The following KCNIP1 variants were observed in gnomAD, a reference collection of about 807,000 sequenced individuals.
The protein encoded by KCNIP1 is A-type potassium channel modulatory protein KCNIP1.
KCNIP1 carries 18 observed loss-of-function variants against 33.0 expected under a neutral mutation model. That is an observed-to-expected ratio of 0.55 (90% confidence interval 0.38 to 0.81). KCNIP1 has a LOEUF of 0.81. Ranked by LOEUF, KCNIP1 falls within the 30% of genes least tolerant of loss-of-function variation. The pLI, the probability that KCNIP1 is intolerant of heterozygous loss-of-function variation, is 0.00. For missense variants in KCNIP1, 238 were observed against 271.6 expected, an observed-to-expected ratio of 0.88 and a Z score of 0.87; for synonymous variants, 93 against 98.3, an observed-to-expected ratio of 0.95 and a Z score of 0.32.
chr5:170,450,106 C>T (rs1168404294), intron 1 of KCNIP1, among the ~76,000 whole-genome samples: 2 of 151,138 alleles, frequency 1.3e-5, no homozygotes, highest in East Asian at 2.0e-4. Flanking sequence ...GGGAAAGGAT[C>T]GCCCGACCCC....
At chr5:170,668,342 A>T (rs1311559989) in intron 1 of KCNIP1, among the ~76,000 whole-genome samples, 1 of 152,198 alleles carries the variant, frequency 6.6e-6, no homozygotes, top group East Asian at 1.9e-4. Flanking sequence ...AATGTTCTCC[A>T]CTGGTCCCTG....
At chr5:170,541,526 A>G (rs1458719090) in intron 1 of KCNIP1, among the ~76,000 whole-genome samples, 1 of 152,158 alleles carries the variant, frequency 6.6e-6, no homozygotes, top group Non-Finnish European at 1.5e-5. Flanking sequence ...TGGGCTATTC[A>G]ACACTTGTCA....
intron 1 of KCNIP1, 99 bp from the exon 2 acceptor site, chr5:170,718,659 T>A: frequency 1.4e-6 from 2 of 1,427,836 alleles, no homozygotes; most frequent in Admixed American, 3.8e-5. Context: ...CAGTCCTAGA[T>A]CCCAGGTCGT....
intron 1 of KCNIP1, among the ~76,000 whole-genome samples, chr5:170,575,369 A>G (rs1393671845): frequency 6.6e-6 from 1 of 152,212 alleles, no homozygotes; most frequent in Non-Finnish European, 1.5e-5. Context: ...TTTAAGCAGG[A>G]AAAATGGGTT....
intron 1 of KCNIP1, among the ~76,000 whole-genome samples, chr5:170,511,085 T>C (rs994053122): frequency 6.6e-6 from 1 of 152,220 alleles, no homozygotes; most frequent in African/African-American, 2.4e-5. Flanking sequence ...GGCATGCTCC[T>C]GTAATCCCAG....
At position 170,613,990 on chromosome 5, in the gene KCNIP1, A is replaced by C. The variant is rs545861405; in HGVS notation, c.62-104768A>C. ...AGAGATGGCCCCAGCTCCGGTGTCT[A>C]CTGGGGAGGTGATGAAGTGAAGTGT... On this transcript the variant is annotated intron_variant, in intron 1 of 7. Coordinates refer to ENST00000328939, the MANE Select transcript of KCNIP1 (RefSeq NM_014592.4). Among the ~76,000 whole-genome samples the C allele has an allele frequency of 4.6e-5, 7 of 152,310 alleles. No individual in the cohort carries two copies. In the South Asian group the frequency reaches 1.5e-3, roughly 32 times the overall value.
At chr5:170,396,356 A>G (rs1225694335) in intron 1 of KCNIP1, among the ~76,000 whole-genome samples, 2 of 152,232 alleles carry the variant, frequency 1.3e-5, no homozygotes, top group Non-Finnish European at 2.9e-5. Context: ...GAATGTGTTG[A>G]TGAAAAAGCC....
At chr5:170,555,884 A>G (rs897606867) in intron 1 of KCNIP1, among the ~76,000 whole-genome samples, 5 of 152,204 alleles carry the variant, frequency 3.3e-5, no homozygotes, top group African/African-American at 1.2e-4. Context: ...CAGGGACACA[A>G]GGTAATGAGA....
intron 1 of KCNIP1, among the ~76,000 whole-genome samples, chr5:170,579,011 A>C (rs1030406401): frequency 6.6e-6 from 1 of 152,184 alleles, no homozygotes; most frequent in Non-Finnish European, 1.5e-5. Flanking sequence ...GGCAGGAGTA[A>C]GTGTATCAGT....
chr5:170,394,921 C>T (rs1178469825), intron 1 of KCNIP1, among the ~76,000 whole-genome samples: 1 of 152,184 alleles, frequency 6.6e-6, no homozygotes, highest in African/African-American at 2.4e-5. Context: ...CTGTAAAGGA[C>T]ATGATTTCAT....
At chr5:170,682,101 A>T (rs776951168) in intron 1 of KCNIP1, among the ~76,000 whole-genome samples, 11 of 152,244 alleles carry the variant, frequency 7.2e-5, no homozygotes, top group Non-Finnish European at 1.6e-4. Flanking sequence ...AATGAAATGC[A>T]TTTGTAGACA....
chr5:170,554,112 G>A (rs1756756634), intron 1 of KCNIP1, among the ~76,000 whole-genome samples: 1 of 152,046 alleles, frequency 6.6e-6, no homozygotes, highest in African/African-American at 2.4e-5. Flanking sequence ...ATAAGAACCT[G>A]GATGGACAGA....
chr5:170,633,377 T>C (rs114182946), intron 1 of KCNIP1, among the ~76,000 whole-genome samples: 2,936 of 151,650 alleles, frequency 0.019, 50 homozygotes, highest in Non-Finnish European at 0.031. Context: ...ATTAAGTGAC[T>C]GAGGTAGTCA....
chr5:170,419,130 G>T (rs1372718446), intron 1 of KCNIP1, among the ~76,000 whole-genome samples: 1 of 152,236 alleles, frequency 6.6e-6, no homozygotes, highest in Non-Finnish European at 1.5e-5. Context: ...GTGAATGGAA[G>T]AAGTGAGCTG....
At chr5:170,726,869 C>T (rs964031598) in intron 5 of KCNIP1, among the ~76,000 whole-genome samples, 22 of 151,588 alleles carry the variant, frequency 1.5e-4, no homozygotes, top group African/African-American at 4.4e-4. Flanking sequence ...TGAGATTGCA[C>T]CACTGCACTC....
chr5:170,433,477 G>A (rs1755790402), intron 1 of KCNIP1, among the ~76,000 whole-genome samples: 1 of 152,196 alleles, frequency 6.6e-6, no homozygotes, highest in Admixed American at 6.5e-5. Flanking sequence ...ATGAGCCACT[G>A]TACCTGGCTG....
intron 1 of KCNIP1, among the ~76,000 whole-genome samples, chr5:170,593,124 A>G (rs1561705820): frequency 6.6e-6 from 1 of 152,238 alleles, no homozygotes; most frequent in Non-Finnish European, 1.5e-5. Flanking sequence ...TCGACTCTCT[A>G]TGCTTTTACA....
chr5:170,543,085 G>A (rs1349881581), intron 1 of KCNIP1, among the ~76,000 whole-genome samples: 1 of 152,140 alleles, frequency 6.6e-6, no homozygotes, highest in African/African-American at 2.4e-5. Flanking sequence ...TAAGGGTACT[G>A]ATCCCATTCA....
intron 1 of KCNIP1, among the ~76,000 whole-genome samples, chr5:170,470,367 C>A (rs1360998078): frequency 6.6e-6 from 1 of 151,986 alleles, no homozygotes; most frequent in Non-Finnish European, 1.5e-5. Flanking sequence ...TGCCCTATGC[C>A]CCCTCTCCCC....
Sources: gnomAD v4.1 joint callset for allele counts (sites outside exome capture counted in the v4.1 genomes callset) on GRCh38, gnomAD v4.1.1 for gene constraint, MANE v1.5 for transcripts, NCBI Gene and HGNC (gene_info 2026-07-23, HGNC 2026-07-21) for gene names.